NKAIN2: variants seen among roughly 807,000 people sequenced by gnomAD.
The protein encoded by NKAIN2 is sodium/potassium-transporting ATPase subunit beta-1-interacting protein 2.
Under a neutral mutation model 32.6 loss-of-function variants are expected in NKAIN2, and 14 were observed. The observed-to-expected ratio is 0.43, with a 90% CI of 0.28 to 0.67. NKAIN2 has a LOEUF of 0.67. Among genes scored for constraint, NKAIN2 ranks in the 30% least tolerant of loss-of-function variants. NKAIN2 has a pLI of 0.17. For synonymous variants in NKAIN2, 80 were observed against 87.2 expected, an observed-to-expected ratio of 0.92 and a Z score of 0.46; for missense variants, 198 against 258.3, an observed-to-expected ratio of 0.77 and a Z score of 1.60.
chr6:124,465,378 A>T (rs368785162), intron 3 of NKAIN2, among the ~76,000 whole-genome samples: 2 of 152,222 alleles, frequency 1.3e-5, no homozygotes, highest in African/African-American at 4.8e-5. Flanking sequence ...AAACTAACAC[A>T]GGAACAGAAA....
intron 3 of NKAIN2, among the ~76,000 whole-genome samples, chr6:124,386,027 G>A (rs1328535506): frequency 1.3e-5 from 2 of 152,088 alleles, no homozygotes; most frequent in African/African-American, 4.8e-5. Flanking sequence ...ATCAGTCAAT[G>A]CAGTCTTTTT....
At position 123,812,826 on chromosome 6, in the gene NKAIN2, T is replaced by C. The variant is rs901001562; in HGVS notation, c.54+8572T>C. On this transcript the variant is annotated intron_variant, in intron 1 of 6. Coordinates refer to ENST00000368417, the MANE Select transcript of NKAIN2 (RefSeq NM_001040214.3). ...GTAACACATTTAAAACCCCCAACAA[T>C]GTTGCATTCTTTGGAAACAAATGAG... Among the ~76,000 whole-genome samples, 39 of 152,216 alleles carry C rather than the reference T, an allele frequency of 2.6e-4. 1 individual carries two copies. Among genetic ancestry groups the C allele is most frequent in the Admixed American group, 2.4e-3 (36 of 15,274 alleles).
chr6:123,975,011 C>A (rs1470839267), intron 1 of NKAIN2, among the ~76,000 whole-genome samples: 2 of 152,024 alleles, frequency 1.3e-5, no homozygotes, highest in Non-Finnish European at 2.9e-5. Context: ...CATTTATTTC[C>A]TCATTTTAGC....
chr6:124,681,624 T>C lies in NKAIN2; in HGVS notation c.474+23238T>C, dbSNP rs2114505440. On this transcript the variant is annotated intron_variant, in intron 4 of 6. Coordinates refer to ENST00000368417, the MANE Select transcript of NKAIN2 (RefSeq NM_001040214.3). The stretch of plus-strand genomic sequence containing the variant: ...ATTATTTATTGTTATGCCATTCTGG[T>C]TACTTTGCTTATTGCCAAAGTATAT... 2.0e-5 allele frequency among the ~76,000 whole-genome samples: 3 copies of C among 152,222 alleles called. 1 individual carries two copies. Among genetic ancestry groups the C allele is most frequent in the Middle Eastern group, 6.8e-3 (2 of 294 alleles).
intron 1 of NKAIN2, among the ~76,000 whole-genome samples, chr6:124,222,000 T>C (rs1406179112): frequency 6.6e-6 from 1 of 152,186 alleles, no homozygotes; most frequent in African/African-American, 2.4e-5. Flanking sequence ...TTCACTCTGA[T>C]AAGTCTGGAA....
intron 3 of NKAIN2, among the ~76,000 whole-genome samples, chr6:124,394,552 A>G (rs1322579057): frequency 6.6e-6 from 1 of 151,970 alleles, no homozygotes; most frequent in Non-Finnish European, 1.5e-5. Context: ...ACAGTATAAG[A>G]AATTGACTCA....
chr6:124,278,765 G>A (rs1482864617), intron 1 of NKAIN2, among the ~76,000 whole-genome samples: 4 of 148,030 alleles, frequency 2.7e-5, no homozygotes, highest in Non-Finnish European at 5.9e-5. Context: ...TATAATATTT[G>A]GGATTTAGCA....
At chr6:124,536,574 C>T (rs182514373) in intron 3 of NKAIN2, among the ~76,000 whole-genome samples, 149 of 152,202 alleles carry the variant, frequency 9.8e-4, no homozygotes, top group African/African-American at 1.3e-3. Context: ...ACTTAAGACT[C>T]GCCCAATTGC....
intron 2 of NKAIN2, among the ~76,000 whole-genome samples, chr6:124,343,086 G>T (rs572684767): frequency 1.3e-5 from 2 of 148,708 alleles, no homozygotes; most frequent in Non-Finnish European, 3.0e-5. Context: ...GCGGTCTTTG[G>T]TTTTTTGTCC....
chr6:124,244,457 A>G (rs1793286151), intron 1 of NKAIN2, among the ~76,000 whole-genome samples: 1 of 151,980 alleles, frequency 6.6e-6, no homozygotes, highest in Admixed American at 6.6e-5. Context: ...TCCATGGTGT[A>G]TATGTAAAAG....
In NKAIN2 at chr6:124,601,427, G is replaced by A. The variant is rs573727090; in HGVS notation, c.274-56759G>A. On this transcript the variant is annotated intron_variant, in intron 3 of 6. Transcript: ENST00000368417. ...CTCCTTTTTTCAAATTAATCAGCTT[G>A]TCTGAGACAAATGTTTTTATCTTAA... Among the ~76,000 whole-genome samples, 49 of 152,136 alleles carry A rather than the reference G, an allele frequency of 3.2e-4. 1 individual carries two copies. In the South Asian group the frequency reaches 7.9e-3, roughly 24 times the overall value.
intron 5 of NKAIN2, among the ~76,000 whole-genome samples, chr6:124,817,978 G>A (rs1781239089): frequency 6.8e-6 from 1 of 147,176 alleles, no homozygotes; most frequent in Non-Finnish European, 1.5e-5. Context: ...ATAGATACAT[G>A]CACTTGAGTG....
At chr6:124,252,999 T>C (rs1378272889) in intron 1 of NKAIN2, among the ~76,000 whole-genome samples, 1 of 152,198 alleles carries the variant, frequency 6.6e-6, no homozygotes, top group Non-Finnish European at 1.5e-5. Context: ...CTATATTTAC[T>C]TCTCAGAATC....
At chr6:124,677,804 G>T (rs1482138875) in intron 4 of NKAIN2, among the ~76,000 whole-genome samples, 1 of 151,908 alleles carries the variant, frequency 6.6e-6, no homozygotes, top group Non-Finnish European at 1.5e-5. Context: ...ATTTACCCAT[G>T]ATCTTTCTAT....
chr6:124,325,739 T>A (rs372853315), intron 2 of NKAIN2, among the ~76,000 whole-genome samples: 1 of 152,132 alleles, frequency 6.6e-6, no homozygotes, highest in Non-Finnish European at 1.5e-5. Flanking sequence ...GTTATGGTGA[T>A]TATTAGGGGT....
intron 1 of NKAIN2, among the ~76,000 whole-genome samples, chr6:123,979,395 G>A (rs75498093): frequency 0.02 from 2,969 of 152,184 alleles, 97 homozygotes; most frequent in African/African-American, 0.068. Flanking sequence ...TGTATTTCTG[G>A]CCTATTTATC....
chr6:124,268,539 ACT>A (rs547778744), intron 1 of NKAIN2, among the ~76,000 whole-genome samples: 337 of 152,094 alleles, frequency 2.2e-3, no homozygotes, highest in African/African-American at 7.7e-3. Context: ...TAGAAAAAAA[ACT>A]CTATTACTTA....
At chr6:124,777,976 A>AAC (rs906312321) in intron 4 of NKAIN2, among the ~76,000 whole-genome samples, 2 of 119,966 alleles carry the variant, frequency 1.7e-5, no homozygotes, top group Non-Finnish European at 3.7e-5. Context: ...CACACACACA[A>AAC]ACACACACAC....
At chr6:124,524,549 A>G (rs746436543) in intron 3 of NKAIN2, among the ~76,000 whole-genome samples, 26 of 152,128 alleles carry the variant, frequency 1.7e-4, no homozygotes, top group Non-Finnish European at 3.2e-4. Context: ...TTTTCCAAAT[A>G]TTTTCACATG....
Sources: gnomAD v4.1 joint callset for allele counts (sites outside exome capture counted in the v4.1 genomes callset) on GRCh38, gnomAD v4.1.1 for gene constraint, MANE v1.5 for transcripts, NCBI Gene and HGNC (gene_info 2026-07-23, HGNC 2026-07-21) for gene names.